MTF2: variants seen among roughly 807,000 people sequenced by gnomAD.
MTF2 encodes metal-response element-binding transcription factor 2.
MTF2 carries 11 observed loss-of-function variants against 79.5 expected under a neutral mutation model. That is an observed-to-expected ratio of 0.14 (90% CI 0.09 to 0.23). The LOEUF is 0.23. Among genes scored for constraint, MTF2 ranks in the 10% least tolerant of loss-of-function variants. The pLI is 1.00. For missense variants in MTF2, 486 were observed against 711.2 expected (o/e 0.68, Z 3.60); for synonymous variants, 208 against 232.8 (o/e 0.89, Z 0.97).
At chr1:93,092,283 T>C (rs1655104782) in intron 1 of MTF2, among the ~76,000 whole-genome samples, 1 of 152,208 alleles carries the variant, frequency 6.6e-6, no homozygotes, top group Admixed American at 6.5e-5. Context: ...AAATATCCTT[T>C]TGAAACACTA....
chr1:93,130,939 A>C (rs1337077203), intron 11 of MTF2, among the ~76,000 whole-genome samples: 1 of 145,786 alleles, frequency 6.9e-6, no homozygotes, highest in East Asian at 1.9e-4. Flanking sequence ...GATTCTTATG[A>C]GGGACAAACA....
chr1:93,087,730 T>C (rs1027564985), intron 1 of MTF2, among the ~76,000 whole-genome samples: 7 of 152,216 alleles, frequency 4.6e-5, no homozygotes, highest in African/African-American at 1.7e-4. Context: ...ATAATTGGGA[T>C]CCAAAGGTGA....
intron 1 of MTF2, among the ~76,000 whole-genome samples, chr1:93,096,775 A>G (rs1450856368): frequency 1.4e-5 from 2 of 143,880 alleles, no homozygotes; most frequent in Non-Finnish European, 3.0e-5. Context: ...CCCATGGATT[A>G]TTTAAAAGTG....
intron 1 of MTF2, among the ~76,000 whole-genome samples, chr1:93,107,348 C>T (rs904490213): frequency 1.3e-5 from 2 of 152,140 alleles, no homozygotes; most frequent in Non-Finnish European, 2.9e-5. Context: ...CCTCAGCCTC[C>T]CGAGTAGCTG....
intron 10 of MTF2, among the ~76,000 whole-genome samples, chr1:93,128,389 C>G (rs919998520): frequency 7.2e-5 from 11 of 151,788 alleles, no homozygotes; most frequent in Non-Finnish European, 1.5e-4. Context: ...GAAACCCTGT[C>G]TCTACTAAAA....
In MTF2 at chr1:93,110,513, A is replaced by T. The variant is rs759921261; in HGVS notation, c.205-32A>T. The T allele has an allele frequency of 1.6e-5, 25 of 1,602,192 alleles. No homozygotes were observed. In the Admixed American group the frequency reaches 3.7e-4, roughly 24 times the overall value. On this transcript the variant is annotated intron_variant, in intron 2 of 14. Transcript: ENST00000370298. Reference sequence around the variant, plus strand: ...TTAACTTCATGTTTTTAATTTTAAGAGATCACCGTTAAGTATTTCTCTGTA... The same window carrying T: ...TTAACTTCATGTTTTTAATTTTAAGTGATCACCGTTAAGTATTTCTCTGTA...
rs368521207 is a variant in MTF2, at chr1:93,079,432, C to T, written c.-95C>T. ...TGCCGGGTACCCGGTGGGGCGGGTG[C>T]CCAGTAAGTGCTCGGACTCGCAGGG... On this transcript the variant is annotated 5_prime_UTR_variant, in exon 1 of 15. Coordinates refer to ENST00000370298, the MANE Select transcript of MTF2 (RefSeq NM_007358.4). 150 of 1,523,672 alleles carry T rather than the reference C, an allele frequency of 9.8e-5. No individual in the cohort carries two copies. In the African/African-American group the frequency reaches 1.7e-3, roughly 18 times the overall value. The allele number at this position is 1,523,672 out of a possible 1,614,324, so 94.4% of individuals were successfully genotyped here.
At chr1:93,113,339 C>T (rs1350846504) in intron 3 of MTF2, among the ~76,000 whole-genome samples, 1 of 152,004 alleles carries the variant, frequency 6.6e-6, no homozygotes, top group Non-Finnish European at 1.5e-5. Flanking sequence ...GTGGCTGTGC[C>T]ACTGCACTCC....
chr1:93,085,133 A>C (rs1051258622), intron 1 of MTF2, among the ~76,000 whole-genome samples: 1 of 151,580 alleles, frequency 6.6e-6, no homozygotes, highest in Admixed American at 6.6e-5. Flanking sequence ...ATTTCAAAGC[A>C]TTGTCATTAT....
chr1:93,116,501 ATTTTTT>A (rs34058324), intron 6 of MTF2, among the ~76,000 whole-genome samples: 2 of 120,442 alleles, frequency 1.7e-5, no homozygotes, highest in Non-Finnish European at 3.4e-5. Flanking sequence ...CCATTGTAAG[ATTTTTT>A]TTTTTTTTTT....
At chr1:93,079,577 G>T (rs1367811766) in intron 1 of MTF2, 46 bp downstream of exon 1, 1 of 1,611,392 alleles carries the variant, frequency 6.2e-7, no homozygotes, top group Admixed American at 1.7e-5. Flanking sequence ...AGGAGATGGG[G>T]GTTGGGGGAA....
chr1:93,116,998 C>G (rs1221247032), intron 6 of MTF2, among the ~76,000 whole-genome samples: 1 of 151,948 alleles, frequency 6.6e-6, no homozygotes, highest in Non-Finnish European at 1.5e-5. Flanking sequence ...CATCAAAGAT[C>G]ACTGATCACC....
intron 14 of MTF2, 112 bp from the exon 15 acceptor site, chr1:93,136,558 T>C: frequency 1.1e-6 from 1 of 883,744 alleles, no homozygotes; most frequent in Non-Finnish European, 1.8e-6. Flanking sequence ...CTCATTTTTA[T>C]ATCATCAAGG....
chr1:93,086,455 C>G (rs1195926553), intron 1 of MTF2, among the ~76,000 whole-genome samples: 1 of 140,412 alleles, frequency 7.1e-6, no homozygotes, highest in African/African-American at 2.6e-5. Flanking sequence ...GCTGAGATTG[C>G]ACCACTGCAC....
chr1:93,128,487 G>C (rs1185419349), intron 10 of MTF2, among the ~76,000 whole-genome samples: 1 of 150,278 alleles, frequency 6.7e-6, no homozygotes, highest in African/African-American at 2.5e-5. Context: ...AACCCGGGAG[G>C]TAGAAGTTGC....
At position 93,110,756 on chromosome 1, in the gene MTF2, A is replaced by G. The variant is rs1655997925; in HGVS notation, c.286+130A>G. The G allele has an allele frequency of 4.6e-5, 33 of 724,862 alleles. No individual in the cohort carries two copies. The South Asian group carries it at 5.6e-4, about 12-fold the overall frequency. The allele number at this position is 724,862 out of a possible 1,614,324, so 44.9% of individuals were successfully genotyped here. A position where few individuals can be genotyped will look rare whatever the true frequency, so the allele number is the denominator to read the frequency against. ...TCAGTATTACTTCCTAGGAGAGGTTAAAAAATCAGCATAGTCGTTATTATA... is the reference window on the plus strand; with the variant it reads ...TCAGTATTACTTCCTAGGAGAGGTTGAAAAATCAGCATAGTCGTTATTATA... On this transcript the variant is annotated intron_variant, in intron 3 of 14. Coordinates refer to ENST00000370298, the MANE Select transcript of MTF2 (RefSeq NM_007358.4).
intron 1 of MTF2, among the ~76,000 whole-genome samples, chr1:93,083,467 G>A (rs1654699769): frequency 1.3e-5 from 2 of 152,148 alleles, no homozygotes; most frequent in South Asian, 4.1e-4. Flanking sequence ...CTAGTCATCA[G>A]TTGATGGACA....
intron 10 of MTF2, among the ~76,000 whole-genome samples, chr1:93,128,639 T>C (rs1656801644): frequency 6.6e-6 from 1 of 151,020 alleles, no homozygotes; most frequent in Admixed American, 6.6e-5. Flanking sequence ...CAAGTTTCAG[T>C]AGAGCTGAGG....
rs188507351 is a variant in MTF2 at position 93,092,386 on chromosome 1, T to C, written c.5+12855T>C. 2.2e-3 allele frequency among the ~76,000 whole-genome samples: 339 copies of C among 152,294 alleles called. 5 individuals carry two copies. The highest frequency in any genetic ancestry group is 9.0e-4 in the Non-Finnish European group (61 of 68,004). ...TTTTCTATCTTTTAAAAAGTAAATTTGGAATATTTAATGGCATGCTACTTG... is the reference window on the plus strand; with the variant it reads ...TTTTCTATCTTTTAAAAAGTAAATTCGGAATATTTAATGGCATGCTACTTG... On this transcript the variant is annotated intron_variant, in intron 1 of 14. Coordinates refer to ENST00000370298, the MANE Select transcript of MTF2 (RefSeq NM_007358.4).
Sources: gnomAD v4.1 joint callset for allele counts (sites outside exome capture counted in the v4.1 genomes callset) on GRCh38, gnomAD v4.1.1 for gene constraint, MANE v1.5 for transcripts, NCBI Gene and HGNC (gene_info 2026-07-23, HGNC 2026-07-21) for gene names.